The following TBC1D8 variants were observed in gnomAD, a reference collection of about 807,000 sequenced individuals.
The protein encoded by TBC1D8 is TBC1 domain family member 8.
TBC1D8 carries 65 observed loss-of-function variants against 118.8 expected under a neutral mutation model. The ratio of observed to expected loss-of-function variants is 0.55; its 90% confidence interval spans 0.45 to 0.67. The LOEUF (loss-of-function observed/expected upper bound fraction) is 0.67. Ranked by LOEUF, TBC1D8 falls within the 30% of genes least tolerant of loss-of-function variation. The pLI is 0.00. For synonymous variants in TBC1D8, 566 were observed against 595.8 expected (o/e 0.95, Z 0.73); for missense variants, 1,376 against 1,471.2 (o/e 0.94, Z 1.06).
At chr2:101,020,091 CAGTT>C (rs892160233) in intron 17 of TBC1D8, among the ~76,000 whole-genome samples, 18 of 146,008 alleles carry the variant, frequency 1.2e-4, no homozygotes, top group South Asian at 2.2e-4. Flanking sequence ...AAAAAAAAGA[CAGTT>C]AGATGAAGAA....
At chr2:101,129,144 G>GT (rs755602716) in intron 1 of TBC1D8, among the ~76,000 whole-genome samples, 10 of 151,898 alleles carry the variant, frequency 6.6e-5, no homozygotes, top group South Asian at 2.1e-4. Context: ...ATTTTGTTTT[G>GT]TTTTTTTTAA....
chr2:101,011,052 G>T, intron 18 of TBC1D8, 26 bp from the exon 19 acceptor site: 1 of 1,599,380 alleles, frequency 6.3e-7, no homozygotes, highest in Non-Finnish European at 8.5e-7. Flanking sequence ...AACAATATGT[G>T]GTTTAATTTA....
intron 1 of TBC1D8, among the ~76,000 whole-genome samples, chr2:101,115,663 A>C (rs1330019739): frequency 6.6e-6 from 1 of 152,146 alleles, no homozygotes; most frequent in South Asian, 2.1e-4. Context: ...AGGCACAAGA[A>C]CTGCTTGAAC....
At chr2:101,106,544 C>T (rs2105474844) in intron 1 of TBC1D8, among the ~76,000 whole-genome samples, 1 of 152,320 alleles carries the variant, frequency 6.6e-6, no homozygotes, top group Non-Finnish European at 1.5e-5. Context: ...AAGAACCATA[C>T]ACAAGTACAG....
intron 19 of TBC1D8, among the ~76,000 whole-genome samples, chr2:101,009,827 C>T (rs11477366): frequency 0.52 from 62,724 of 121,434 alleles, 13,963 homozygotes; most frequent in Middle Eastern, 0.59. Flanking sequence ...GGAGCTTTTT[C>T]TTTTTTTTTT....
intron 1 of TBC1D8, among the ~76,000 whole-genome samples, chr2:101,093,573 G>C (rs1464941817): frequency 2.6e-5 from 4 of 151,920 alleles, no homozygotes; most frequent in African/African-American, 9.7e-5. Flanking sequence ...ATTTTAACCA[G>C]GTGTGGTGGT....
intron 9 of TBC1D8, among the ~76,000 whole-genome samples, chr2:101,034,187 A>C (rs1420532713): frequency 6.6e-6 from 1 of 152,200 alleles, no homozygotes; most frequent in Non-Finnish European, 1.5e-5. Flanking sequence ...TAGTCAAAAA[A>C]ACAGAAATAA....
chr2:101,050,772 TCAGGGATA>T, intron 4 of TBC1D8, 131 bp from the exon 5 acceptor site: 1 of 1,159,034 alleles, frequency 8.6e-7, no homozygotes, highest in Non-Finnish European at 1.2e-6. Context: ...TCTTTTAAGT[TCAGGGATA>T]CAGGGATACA....
intron 11 of TBC1D8, among the ~76,000 whole-genome samples, chr2:101,030,576 G>C (rs1680611200): frequency 6.6e-6 from 1 of 152,162 alleles, no homozygotes; most frequent in African/African-American, 2.4e-5. Context: ...AAATGAACAT[G>C]TTACATCCAC....
chr2:101,063,335 A>G (rs1031779859), intron 2 of TBC1D8, among the ~76,000 whole-genome samples: 1 of 152,254 alleles, frequency 6.6e-6, no homozygotes, highest in African/African-American at 2.4e-5. Context: ...ATAGAGAAAG[A>G]TAATTCTAAA....
In TBC1D8 at chr2:101,050,776, G is replaced by T. The variant is rs1257737009; in HGVS notation, c.632-135C>A. 3 of 1,034,678 alleles carry T rather than the reference G, an allele frequency of 2.9e-6. No homozygotes were observed. In the East Asian group the frequency reaches 7.4e-5, roughly 25 times the overall value. 64.1% of individuals were successfully genotyped at this position (1,034,678 alleles called of 1,614,324 possible). On this transcript the variant is annotated intron_variant, in intron 4 of 19. Coordinates refer to ENST00000409318, the MANE Select transcript of TBC1D8 (RefSeq NM_001330348.2). ...TTTTTAAAAAATCTTTTAAGTTCAG[G>T]GATACAGGGATACACGTGCAGGTTT...
rs1296079887 is a variant in TBC1D8 at position 101,020,077 on chromosome 2, A to AG, written c.2827+1603_2827+1604insC. On this transcript the variant is annotated intron_variant, in intron 17 of 19. Transcript: ENST00000409318. ...CACAGAGCGAAACTCCGTCTCAAAA[A>AG]AAAAAAAAAAAGACAGTTAGATGAA... 3.3e-5 allele frequency among the ~76,000 whole-genome samples: 5 copies of AG among 151,842 alleles called. No individual in the cohort carries two copies. In the East Asian group the frequency reaches 9.7e-4, roughly 29 times the overall value.
At chr2:101,018,697 C>A (rs1679834399) in intron 17 of TBC1D8, among the ~76,000 whole-genome samples, 1 of 152,198 alleles carries the variant, frequency 6.6e-6, no homozygotes, top group South Asian at 2.1e-4. Context: ...GTGAGGGGTC[C>A]TCATAGGTTT....
chr2:101,012,540 G>A (rs1409843722), intron 17 of TBC1D8, among the ~76,000 whole-genome samples: 2 of 152,084 alleles, frequency 1.3e-5, no homozygotes, highest in South Asian at 2.1e-4. Context: ...CACTGGTAGT[G>A]AGAGCTAAAG....
chr2:101,073,665 ATAT>A (rs1165212624), intron 2 of TBC1D8, among the ~76,000 whole-genome samples: 1 of 152,172 alleles, frequency 6.6e-6, no homozygotes, highest in African/African-American at 2.4e-5. Context: ...GACCTTCTGG[ATAT>A]TATAACTCAC....
In TBC1D8 at chr2:101,020,728, C is replaced by T. The variant is rs555225500; in HGVS notation, c.2827+953G>A. On this transcript the variant is annotated intron_variant, in intron 17 of 19. Coordinates refer to ENST00000409318, the MANE Select transcript of TBC1D8 (RefSeq NM_001330348.2). ...CATCTTCAATGTTTGTACAGTAGTC[C>T]CCCTCATCCGAAGTGTTAAACTGCA... Among the ~76,000 whole-genome samples, 49 of 152,190 alleles carry T rather than the reference C, an allele frequency of 3.2e-4. 2 individuals are homozygous for T. The South Asian group carries it at 8.7e-3, about 27-fold the overall frequency.
chr2:101,024,267 AAAC>A (rs1443360931), intron 15 of TBC1D8, among the ~76,000 whole-genome samples: 1 of 152,224 alleles, frequency 6.6e-6, no homozygotes, highest in African/African-American at 2.4e-5. Flanking sequence ...ATTAATGAGA[AAAC>A]AAGTTTAAAT....
Position 101,007,695 on chromosome 2 carries a change from G to T in TBC1D8, c.*126C>A. 1 of 967,296 alleles carries T rather than the reference G, an allele frequency of 1.0e-6. No homozygotes were observed. The highest frequency in any genetic ancestry group is 1.6e-6 in the Non-Finnish European group (1 of 644,468). The allele number at this position is 967,296 out of a possible 1,614,324, so 59.9% of individuals were successfully genotyped here. A position where few individuals can be genotyped will look rare whatever the true frequency, so the allele number is the denominator to read the frequency against. On this transcript the variant is annotated 3_prime_UTR_variant, in exon 20 of 20. Coordinates refer to ENST00000409318, the MANE Select transcript of TBC1D8 (RefSeq NM_001330348.2). ...CGGTTCCCCTGGCCACAGTTTGTCAGGTTGTTTAGCCAGATGCCCCATTGG... is the reference window on the plus strand; with the variant it reads ...CGGTTCCCCTGGCCACAGTTTGTCATGTTGTTTAGCCAGATGCCCCATTGG...
chr2:101,074,437 A>G (rs1201872253), intron 2 of TBC1D8, among the ~76,000 whole-genome samples: 1 of 152,256 alleles, frequency 6.6e-6, no homozygotes, highest in Non-Finnish European at 1.5e-5. Context: ...AAGTGAACAC[A>G]TTCCAACGCT....
Sources: gnomAD v4.1 joint callset for allele counts (sites outside exome capture counted in the v4.1 genomes callset) on GRCh38, gnomAD v4.1.1 for gene constraint, MANE v1.5 for transcripts, NCBI Gene and HGNC (gene_info 2026-07-23, HGNC 2026-07-21) for gene names.